Variants in CSMD1 observed in about 807,000 individuals in gnomAD.
CSMD1 encodes CUB and sushi domain-containing protein 1.
Under a neutral mutation model 417.5 loss-of-function variants are expected in CSMD1, and 213 were observed. The ratio of observed to expected loss-of-function variants is 0.51; its 90% CI spans 0.46 to 0.57. CSMD1 has a LOEUF of 0.57. Ranked by LOEUF, CSMD1 falls within the 20% of genes least tolerant of loss-of-function variation. CSMD1 has a pLI of 0.00. For missense variants in CSMD1, 6,923 were observed against 4,529.7 expected (o/e 1.53, Z -15.17); for synonymous variants, 2,862 against 1,736.8 (o/e 1.65, Z -16.11).
intron 5 of CSMD1, among the ~76,000 whole-genome samples, chr8:3,875,557 C>T (rs61063808): frequency 0.073 from 11,037 of 151,998 alleles, 704 homozygotes; most frequent in East Asian, 0.21. Flanking sequence ...AGGAGAGGCT[C>T]CTTCAGGAGG....
intron 41 of CSMD1, chr8:3,127,717 T>C (rs1051188995): frequency 6.6e-6 from 1 of 152,218 alleles, no homozygotes; most frequent in African/African-American, 2.4e-5. Context: ...TTACTTGCTA[T>C]GCCTAAAGCA....
At chr8:3,335,753 G>A (rs533116614) in intron 23 of CSMD1, among the ~76,000 whole-genome samples, 46 of 152,314 alleles carry the variant, frequency 3.0e-4, no homozygotes, top group African/African-American at 9.9e-4. Context: ...GAGTAGAGCA[G>A]ACACAGAGCT....
intron 5 of CSMD1, among the ~76,000 whole-genome samples, chr8:3,885,076 C>G (rs1380594151): frequency 1.3e-5 from 2 of 151,878 alleles, no homozygotes; most frequent in Non-Finnish European, 2.9e-5. Context: ...GCTTATAAAG[C>G]AAGTAGCTTC....
chr8:3,750,910 G>A (rs879599701), intron 6 of CSMD1, among the ~76,000 whole-genome samples: 6 of 152,034 alleles, frequency 3.9e-5, no homozygotes, highest in East Asian at 3.9e-4. Context: ...AAAAATAATC[G>A]TAGTGCCTTT....
rs544966373 is a variant in CSMD1 at position 3,560,010 on chromosome 8, C to T, written c.1344+14935G>A. On this transcript the variant is annotated intron_variant, in intron 10 of 69. Transcript: ENST00000635120. ...ATTTCCTAACAAGATGAGTGGCCAGCGTAAGGGATTTAGTGTGGAGGGAAT... is the reference window on the plus strand; with the variant it reads ...ATTTCCTAACAAGATGAGTGGCCAGTGTAAGGGATTTAGTGTGGAGGGAAT... Among the ~76,000 whole-genome samples, 28 of 152,054 alleles carry T rather than the reference C, an allele frequency of 1.8e-4. No individual in the cohort carries two copies. The South Asian group carries it at 3.7e-3, about 20-fold the overall frequency.
At chr8:4,423,955 A>T (rs919488274) in intron 2 of CSMD1, among the ~76,000 whole-genome samples, 1 of 152,236 alleles carries the variant, frequency 6.6e-6, no homozygotes, top group African/African-American at 2.4e-5. Flanking sequence ...GATTCAAAAG[A>T]AATTGCATAG....
chr8:3,369,270 T>G lies in CSMD1; in HGVS notation c.2883A>C (p.Glu961Asp). ...PNSLNCTWTI[E>D]VSHGKGVQMI... ...GATTCTTACCTTTCCCATGAGACAC[T>G]TCAATGGTCCACGTGCAGTTTAGAG... The change falls in exon 19 of 70, where the codon GAA (glutamate) becomes GAC (aspartate). Residue 961 changes from glutamate to aspartate, a missense_variant. Physicochemically the swap from Glu to Asp is conservative, Grantham distance 45. Coordinates refer to ENST00000635120, the MANE Select transcript of CSMD1 (RefSeq NM_033225.6). 3.2e-6 allele frequency: 5 copies of G among 1,564,040 alleles called. No homozygotes were observed. Among genetic ancestry groups the G allele is most frequent in the Non-Finnish European group, 4.4e-6 (5 of 1,135,046 alleles).
rs1251378052 is a variant in CSMD1 at position 4,531,405 on chromosome 8, T to A, written c.302+105937A>T. 3.3e-5 allele frequency among the ~76,000 whole-genome samples: 5 copies of A among 152,298 alleles called. No homozygotes were observed. The East Asian group carries it at 9.7e-4, about 29-fold the overall frequency. On this transcript the variant is annotated intron_variant, in intron 2 of 69. Transcript: ENST00000635120. ...AAGTCTTGAAGTCAGATGATTTGGG[T>A]TTTAATCTCAACTCTATTGATTGCT... is the stretch of plus-strand genomic sequence containing the variant.
At chr8:3,713,318 A>T (rs1471145310) in intron 6 of CSMD1, among the ~76,000 whole-genome samples, 1 of 152,200 alleles carries the variant, frequency 6.6e-6, no homozygotes, top group East Asian at 1.9e-4. Context: ...TGACGAAACC[A>T]TTACTATATT....
intron 5 of CSMD1, among the ~76,000 whole-genome samples, chr8:3,943,250 T>A (rs979705476): frequency 3.9e-5 from 6 of 152,038 alleles, no homozygotes; most frequent in African/African-American, 9.7e-5. Flanking sequence ...ACATTTTAAA[T>A]AATTTTAGTT....
chr8:4,575,554 A>G (rs1563301138), intron 2 of CSMD1, among the ~76,000 whole-genome samples: 1 of 152,128 alleles, frequency 6.6e-6, no homozygotes, highest in African/African-American at 2.4e-5. Flanking sequence ...TGGCCATCAA[A>G]CTCACTTTGA....
At chr8:4,385,342 C>G (rs1803377453) in intron 3 of CSMD1, among the ~76,000 whole-genome samples, 1 of 152,204 alleles carries the variant, frequency 6.6e-6, no homozygotes, top group Non-Finnish European at 1.5e-5. Context: ...AAAACGGGCC[C>G]TTCACTGCCA....
intron 50 of CSMD1, among the ~76,000 whole-genome samples, chr8:3,051,646 C>T (rs931916096): frequency 6.6e-6 from 1 of 152,058 alleles, no homozygotes; most frequent in African/African-American, 2.4e-5. Flanking sequence ...CATGTAAAGA[C>T]ATACATGATA....
rs79993329 is a variant in CSMD1, at chr8:4,376,145, A to C, written c.415+43808T>G. On this transcript the variant is annotated intron_variant, in intron 3 of 69. Transcript: ENST00000635120. The stretch of plus-strand genomic sequence containing the variant: ...GATATGGAAATGCACTGCAAACTTT[A>C]TGCTCTAACATCAAGTGTGCTTAAC... Among the ~76,000 whole-genome samples, 239 of 152,360 alleles carry C rather than the reference A, an allele frequency of 1.6e-3. 1 individual carries two copies. Among genetic ancestry groups the C allele is most frequent in the African/African-American group, 5.6e-3 (233 of 41,574 alleles).
intron 3 of CSMD1, among the ~76,000 whole-genome samples, chr8:4,220,069 C>T (rs945932970): frequency 6.6e-6 from 1 of 152,102 alleles, no homozygotes; most frequent in Non-Finnish European, 1.5e-5. Context: ...CGTGCCTCAG[C>T]CTCCCGAGTA....
At chr8:3,156,922 G>C (rs115827498) in intron 39 of CSMD1, among the ~76,000 whole-genome samples, 204 of 138,618 alleles carry the variant, frequency 1.5e-3, no homozygotes, top group African/African-American at 5.3e-3. Flanking sequence ...ACAGGAGTGA[G>C]AAGTCACTTG....
In CSMD1 at chr8:3,315,355, TGATTATTTCCTGAAATGTG is replaced by T. The variant is rs1383442330; in HGVS notation, c.3632-6871_3632-6853del. Among the ~76,000 whole-genome samples, 254 of 152,232 alleles carry T rather than the reference TGATTATTTCCTGAAATGTG, an allele frequency of 1.7e-3. 1 individual carries two copies. The highest frequency in any genetic ancestry group is 5.8e-3 in the African/African-American group (241 of 41,542). ...TTAATAATGAATTTCCTGAAATGTG[TGATTATTTCCTGAAATGTG>T]TGATTGTTCCATGTTTTACAATACA... On this transcript the variant is annotated intron_variant, in intron 23 of 69. Transcript: ENST00000635120.
At chr8:4,050,646 C>A (rs938666348) in intron 3 of CSMD1, among the ~76,000 whole-genome samples, 1 of 152,026 alleles carries the variant, frequency 6.6e-6, no homozygotes, top group South Asian at 2.1e-4. Flanking sequence ...AATACTAGAT[C>A]TTATTCGTTC....
chr8:4,730,955 T>C (rs1047522713), intron 1 of CSMD1, among the ~76,000 whole-genome samples: 10 of 152,054 alleles, frequency 6.6e-5, no homozygotes, highest in Non-Finnish European at 1.0e-4. Context: ...TTCCTGCCTA[T>C]TGGGGTGATT....
Sources: gnomAD v4.1 joint callset for allele counts (sites outside exome capture counted in the v4.1 genomes callset) on GRCh38, gnomAD v4.1.1 for gene constraint, MANE v1.5 for transcripts, NCBI Gene and HGNC (gene_info 2026-07-23, HGNC 2026-07-21) for gene names.